The following PEX5L variants were observed in gnomAD, a reference collection of about 807,000 sequenced individuals.
The protein encoded by PEX5L is peroxisomal biogenesis factor 5 like, also known as PEX5-related protein.
A neutral mutation model predicts 84.0 loss-of-function variants in PEX5L; 30 were observed. The ratio of observed to expected loss-of-function variants is 0.36; its 90% CI spans 0.27 to 0.48. The LOEUF (loss-of-function observed/expected upper bound fraction) is 0.48, where lower values mean the gene tolerates loss of function less well. PEX5L is among the 20% of genes least tolerant of loss of function. The pLI is 0.99. For synonymous variants in PEX5L, 270 were observed against 283.1 expected (o/e 0.95, Z 0.46); for missense variants, 533 against 754.6 (o/e 0.71, Z 3.44).
At chr3:179,802,550 A>AG (rs1553813983) in intron 14 of PEX5L, among the ~76,000 whole-genome samples, 17 of 131,602 alleles carry the variant, frequency 1.3e-4, no homozygotes, top group Non-Finnish European at 2.1e-4. Context: ...AAAAAAAAAA[A>AG]AAAAGAAAAG....
At chr3:180,035,504 T>C (rs1041888400) in intron 1 of PEX5L, among the ~76,000 whole-genome samples, 8 of 152,232 alleles carry the variant, frequency 5.3e-5, no homozygotes, top group Non-Finnish European at 1.5e-5. Flanking sequence ...ATTGAGACTA[T>C]GATGAAATAT....
intron 8 of PEX5L, among the ~76,000 whole-genome samples, chr3:179,855,913 T>C (rs1313395441): frequency 6.6e-6 from 1 of 152,212 alleles, no homozygotes; most frequent in Non-Finnish European, 1.5e-5. Context: ...TAAATGACCA[T>C]ATCTCAGGTT....
chr3:179,864,030 T>C (rs535201992), intron 7 of PEX5L, among the ~76,000 whole-genome samples: 6 of 152,252 alleles, frequency 3.9e-5, no homozygotes, highest in East Asian at 3.9e-4. Flanking sequence ...CTTTGCCTGC[T>C]GCCATCCATG....
intron 1 of PEX5L, among the ~76,000 whole-genome samples, chr3:180,011,122 A>C (rs1789441018): frequency 6.6e-6 from 1 of 152,216 alleles, no homozygotes. Context: ...TGTGAATTAC[A>C]TGAAACTGAA....
intron 10 of PEX5L, among the ~76,000 whole-genome samples, chr3:179,813,324 C>T (rs1047839634): frequency 1.3e-5 from 2 of 151,920 alleles, no homozygotes; most frequent in Non-Finnish European, 2.9e-5. Flanking sequence ...AATCTGAGAT[C>T]GTAATATGTC....
chr3:179,950,195 C>T (rs952996606), intron 2 of PEX5L, among the ~76,000 whole-genome samples: 1 of 152,198 alleles, frequency 6.6e-6, no homozygotes, highest in Non-Finnish European at 1.5e-5. Context: ...TTGGTCCTAG[C>T]ATGTCTTATA....
intron 8 of PEX5L, among the ~76,000 whole-genome samples, chr3:179,823,804 G>T (rs899118251): frequency 6.6e-5 from 10 of 152,166 alleles, no homozygotes; most frequent in African/African-American, 2.4e-4. Flanking sequence ...AAAGTGAGAA[G>T]ATTGGGTTCA....
At chr3:179,897,387 C>T (rs1310810677) in intron 3 of PEX5L, among the ~76,000 whole-genome samples, 1 of 152,074 alleles carries the variant, frequency 6.6e-6, no homozygotes, top group Non-Finnish European at 1.5e-5. Flanking sequence ...GTGATGAGTA[C>T]ATTATACATA....
chr3:179,807,972 T>TA, intron 13 of PEX5L, 141 bp from the exon 14 acceptor site: 4 of 736,534 alleles, frequency 5.4e-6, no homozygotes, highest in East Asian at 2.6e-5. Flanking sequence ...GGTGAATTAC[T>TA]AAAAAATCTT....
At chr3:179,892,128 C>T (rs879632436) in intron 3 of PEX5L, among the ~76,000 whole-genome samples, 2 of 152,096 alleles carry the variant, frequency 1.3e-5, no homozygotes, top group Non-Finnish European at 2.9e-5. Flanking sequence ...TTGGTCTAGT[C>T]AGATTATCAT....
chr3:179,829,943 A>ATTTT lies in PEX5L; in HGVS notation c.823-9971_823-9968dup, dbSNP rs11352022. On this transcript the variant is annotated intron_variant, in intron 8 of 14. Coordinates refer to ENST00000467460, the MANE Select transcript of PEX5L (RefSeq NM_016559.3). Reference sequence around the variant, plus strand: ...AGGAGCCTGCCACCAGGCCTGGCTAATTTTTTTTTTTTTTTTTTTTTTTTT... The same window carrying ATTTT: ...AGGAGCCTGCCACCAGGCCTGGCTAATTTTTTTTTTTTTTTTTTTTTTTTTTTTT... Among the ~76,000 whole-genome samples, 14 of 83,602 alleles carry ATTTT rather than the reference A, an allele frequency of 1.7e-4. 1 individual carries two copies. Among genetic ancestry groups the ATTTT allele is most frequent in the African/African-American group, 5.9e-4 (12 of 20,468 alleles). The allele number at this position is 83,602 out of a possible 152,430, so 54.8% of individuals were successfully genotyped here. A position where few individuals can be genotyped will look rare whatever the true frequency, so the allele number is the denominator to read the frequency against.
intron 2 of PEX5L, among the ~76,000 whole-genome samples, chr3:179,968,715 G>GTC (rs1783982890): frequency 7.6e-6 from 1 of 131,548 alleles, no homozygotes; most frequent in Non-Finnish European, 1.7e-5. Flanking sequence ...GTGTGTGTGT[G>GTC]TGTGTGTCTG....
chr3:179,980,648 A>G (rs1786238910), intron 1 of PEX5L, among the ~76,000 whole-genome samples: 1 of 152,202 alleles, frequency 6.6e-6, no homozygotes, highest in African/African-American at 2.4e-5. Flanking sequence ...AAAGAATTCT[A>G]TACTCTTCTG....
intron 3 of PEX5L, among the ~76,000 whole-genome samples, chr3:179,893,056 G>T (rs1283290303): frequency 6.6e-6 from 1 of 152,144 alleles, no homozygotes; most frequent in African/African-American, 2.4e-5. Flanking sequence ...GAACTTGCAT[G>T]TAGGGGCTTG....
chr3:179,855,484 C>T lies in PEX5L; in HGVS notation c.822+3578G>A, dbSNP rs13320344. On this transcript the variant is annotated intron_variant, in intron 8 of 14. Coordinates refer to ENST00000467460, the MANE Select transcript of PEX5L (RefSeq NM_016559.3). ...CCCCTTGATTATCAACATAATACAT[C>T]TTTATGAAAGAACATTTGGAAAATA... is the stretch of plus-strand genomic sequence containing the variant. Among the ~76,000 whole-genome samples, 1,359 of 152,274 alleles carry T rather than the reference C, an allele frequency of 8.9e-3. 23 individuals carry two copies. The highest frequency in any genetic ancestry group is 0.031 in the African/African-American group (1,303 of 41,540).
chr3:179,876,809 A>G (rs1161316324), intron 5 of PEX5L, among the ~76,000 whole-genome samples: 1 of 152,036 alleles, frequency 6.6e-6, no homozygotes, highest in African/African-American at 2.4e-5. Flanking sequence ...TACCTCATAC[A>G]AGTGGAATCC....
At chr3:180,014,542 C>T (rs914226523) in intron 1 of PEX5L, among the ~76,000 whole-genome samples, 1 of 151,100 alleles carries the variant, frequency 6.6e-6, no homozygotes, top group African/African-American at 2.4e-5. Context: ...TTCATTAAAA[C>T]TTAAAGATAA....
intron 2 of PEX5L, among the ~76,000 whole-genome samples, chr3:179,951,286 A>G (rs1027755727): frequency 1.3e-5 from 2 of 151,934 alleles, no homozygotes; most frequent in Non-Finnish European, 2.9e-5. Flanking sequence ...CTAGCTTTCT[A>G]CTCCCGTGTC....
intron 2 of PEX5L, among the ~76,000 whole-genome samples, chr3:179,899,326 A>G (rs67985216): frequency 0.15 from 22,532 of 152,086 alleles, 1,790 homozygotes; most frequent in South Asian, 0.3. Flanking sequence ...CCCTGAAGAA[A>G]ATAATTTTAT....
Sources: gnomAD v4.1 joint callset for allele counts (sites outside exome capture counted in the v4.1 genomes callset) on GRCh38, gnomAD v4.1.1 for gene constraint, MANE v1.5 for transcripts, NCBI Gene and HGNC (gene_info 2026-07-23, HGNC 2026-07-21) for gene names.